Variants in CSMD1 observed in about 807,000 individuals in gnomAD.
The protein encoded by CSMD1 is CUB and Sushi multiple domains 1, also known as CUB and sushi domain-containing protein 1.
In CSMD1, 213 loss-of-function variants were observed where a neutral mutation model predicts 417.5. The observed-to-expected ratio is 0.51, with a 90% CI of 0.46 to 0.57. CSMD1 has a LOEUF of 0.57. Ranked by LOEUF, CSMD1 falls within the 20% of genes least tolerant of loss-of-function variation. The probability of loss-of-function intolerance (pLI) is 0.00; values close to 1 mark genes in which losing one functional copy is unlikely to be tolerated. For synonymous variants in CSMD1, 2,862 were observed against 1,736.8 expected (o/e 1.65, Z -16.11); for missense variants, 6,923 against 4,529.7 (o/e 1.53, Z -15.17).
chr8:4,729,029 G>C (rs113211006), intron 1 of CSMD1, among the ~76,000 whole-genome samples: 4 of 152,082 alleles, frequency 2.6e-5, no homozygotes, highest in African/African-American at 9.7e-5. Context: ...GTATACAGAC[G>C]GAAAGAGATA....
chr8:4,416,763 TTC>T (rs1380806290), intron 3 of CSMD1, among the ~76,000 whole-genome samples: 13 of 152,114 alleles, frequency 8.5e-5, no homozygotes, highest in African/African-American at 2.9e-4. Flanking sequence ...CATGTCAATT[TTC>T]TGACTTCCTA....
At chr8:4,146,332 G>C (rs908252540) in intron 3 of CSMD1, among the ~76,000 whole-genome samples, 1 of 150,836 alleles carries the variant, frequency 6.6e-6, no homozygotes, top group African/African-American at 2.5e-5. Context: ...ATCCAAAGCA[G>C]GTGGATTCAT....
chr8:3,265,183 A>G (rs1373348098), intron 26 of CSMD1, among the ~76,000 whole-genome samples: 2 of 152,186 alleles, frequency 1.3e-5, no homozygotes, highest in Non-Finnish European at 1.5e-5. Context: ...AGAACCAATA[A>G]CTAAAAAATA....
At chr8:3,545,306 C>G (rs1291087228) in intron 10 of CSMD1, among the ~76,000 whole-genome samples, 1 of 152,104 alleles carries the variant, frequency 6.6e-6, no homozygotes, top group African/African-American at 2.4e-5. Context: ...TGCTTTTATC[C>G]CTAGAATTCT....
chr8:3,680,861 C>A (rs1448139878), intron 7 of CSMD1, among the ~76,000 whole-genome samples: 1 of 152,182 alleles, frequency 6.6e-6, no homozygotes, highest in Non-Finnish European at 1.5e-5. Flanking sequence ...GGCTTCATCC[C>A]TGGGATGCAA....
chr8:4,534,996 C>T (rs1432602456), intron 2 of CSMD1, among the ~76,000 whole-genome samples: 1 of 152,006 alleles, frequency 6.6e-6, no homozygotes, highest in Admixed American at 6.5e-5. Context: ...TTCCTGACCT[C>T]GTGATCTGCC....
At chr8:4,502,601 T>TA (rs1802314731) in intron 2 of CSMD1, among the ~76,000 whole-genome samples, 1 of 152,176 alleles carries the variant, frequency 6.6e-6, no homozygotes, top group Admixed American at 6.6e-5. Context: ...CTCCTCATTT[T>TA]AAAAAAGGAC....
chr8:3,661,135 G>C (rs1287767303), intron 7 of CSMD1, among the ~76,000 whole-genome samples: 2 of 152,172 alleles, frequency 1.3e-5, no homozygotes, highest in East Asian at 3.9e-4. Flanking sequence ...AGCCTGAGGA[G>C]AACTCCGTAC....
intron 5 of CSMD1, among the ~76,000 whole-genome samples, chr8:3,832,874 C>G (rs1031468321): frequency 6.6e-6 from 1 of 152,050 alleles, no homozygotes; most frequent in Non-Finnish European, 1.5e-5. Flanking sequence ...TTTGGAGAAT[C>G]CAAGAAGAAA....
In CSMD1 at chr8:3,534,122, C is replaced by A. The variant is rs563929694; in HGVS notation, c.1345-40396G>T. Among the ~76,000 whole-genome samples the A allele has an allele frequency of 3.8e-4, 58 of 152,316 alleles. 1 individual carries two copies. Among genetic ancestry groups the A allele is most frequent in the Middle Eastern group, 6.8e-3 (2 of 294 alleles). ...GCTATGAGAGCCCATATTCCCCGCT[C>A]TCACTCATATGCACTGTGAAATAAC... On this transcript the variant is annotated intron_variant, in intron 10 of 69. Transcript: ENST00000635120.
At chr8:3,141,841 A>C (rs981800959) in intron 41 of CSMD1, among the ~76,000 whole-genome samples, 43 of 146,760 alleles carry the variant, frequency 2.9e-4, no homozygotes, top group African/African-American at 1.0e-3. Context: ...TCTGTCGCCC[A>C]GGCTGGAGTG....
intron 3 of CSMD1, among the ~76,000 whole-genome samples, chr8:4,218,348 G>C (rs1800809592): frequency 6.6e-6 from 1 of 152,098 alleles, no homozygotes; most frequent in South Asian, 2.1e-4. Flanking sequence ...TCAAACTGTT[G>C]ATTTTGTTTG....
chr8:3,278,245 C>G (rs554355291), intron 26 of CSMD1: 1 of 152,176 alleles, frequency 6.6e-6, no homozygotes, highest in African/African-American at 2.4e-5. Flanking sequence ...CATGGAATTA[C>G]AAGATAGAGA....
intron 5 of CSMD1, among the ~76,000 whole-genome samples, chr8:3,851,758 G>C (rs548382070): frequency 3.3e-5 from 5 of 152,288 alleles, no homozygotes; most frequent in African/African-American, 9.6e-5. Flanking sequence ...GGAATGAAGA[G>C]GGAATGTATA....
At chr8:4,058,539 C>T (rs569229790) in intron 3 of CSMD1, among the ~76,000 whole-genome samples, 1 of 152,020 alleles carries the variant, frequency 6.6e-6, no homozygotes, top group South Asian at 2.1e-4. Flanking sequence ...CTTCTCCTGC[C>T]TAATTGCCCT....
intron 7 of CSMD1, among the ~76,000 whole-genome samples, chr8:3,679,986 A>G (rs773809637): frequency 1.3e-5 from 2 of 152,188 alleles, no homozygotes; most frequent in African/African-American, 4.8e-5. Context: ...TTTGAAACCA[A>G]CGAGAACAAA....
rs563368027 is a variant in CSMD1, at chr8:4,698,308, G to C, written c.86-60750C>G. ...AAAGGCTCGTTTCAAATGAGTTTTT[G>C]ATGAACAACGGCTCATGGAACTTAA... On this transcript the variant is annotated intron_variant, in intron 1 of 69. Coordinates refer to ENST00000635120, the MANE Select transcript of CSMD1 (RefSeq NM_033225.6). Among the ~76,000 whole-genome samples, 4 of 152,240 alleles carry C rather than the reference G, an allele frequency of 2.6e-5. No homozygotes were observed. The South Asian group carries it at 6.2e-4, about 24-fold the overall frequency.
At chr8:4,225,249 C>T (rs779339440) in intron 3 of CSMD1, among the ~76,000 whole-genome samples, 1 of 152,150 alleles carries the variant, frequency 6.6e-6, no homozygotes, top group Non-Finnish European at 1.5e-5. Flanking sequence ...CAATGACAAA[C>T]CATCATTTTC....
intron 3 of CSMD1, among the ~76,000 whole-genome samples, chr8:4,328,324 C>T (rs1180289944): frequency 1.4e-5 from 2 of 147,872 alleles, no homozygotes; most frequent in Admixed American, 7.0e-5. Context: ...GTTAAGTCAA[C>T]TGTGCGGTCT....
Sources: allele counts gnomAD v4.1 joint callset (sites outside exome capture counted in the v4.1 genomes callset), GRCh38; gene constraint gnomAD v4.1.1; transcripts MANE v1.5; gene names NCBI Gene and HGNC (gene_info 2026-07-23, HGNC 2026-07-21).